ITGA2: variants seen among roughly 807,000 people sequenced by gnomAD.
ITGA2 encodes integrin subunit alpha 2.
Under a neutral mutation model 146.3 loss-of-function variants are expected in ITGA2, and 101 were observed. That is an observed-to-expected ratio of 0.69 (90% CI 0.59 to 0.81). ITGA2 has a LOEUF of 0.81. ITGA2 is among the 40% of genes least tolerant of loss of function. ITGA2 has a pLI of 0.00. For synonymous variants in ITGA2, 477 were observed against 487.1 expected (o/e 0.98, Z 0.27); for missense variants, 1,281 against 1,402.7 (o/e 0.91, Z 1.39).
chr5:53,022,014 C>T (rs1254671734), intron 1 of ITGA2, among the ~76,000 whole-genome samples: 4 of 152,160 alleles, frequency 2.6e-5, no homozygotes, highest in Non-Finnish European at 4.4e-5. Context: ...TTGCATTGAC[C>T]ACAAAAGTTA....
chr5:53,040,673 A>C (rs1743748747), intron 2 of ITGA2, among the ~76,000 whole-genome samples: 1 of 152,226 alleles, frequency 6.6e-6, no homozygotes, highest in Non-Finnish European at 1.5e-5. Flanking sequence ...GTTAAGGCTG[A>C]CTGAATTAAA....
At chr5:53,088,735 C>T (rs1740260084) in intron 28 of ITGA2, among the ~76,000 whole-genome samples, 1 of 148,948 alleles carries the variant, frequency 6.7e-6, no homozygotes, top group African/African-American at 2.5e-5. Context: ...ATGGCAAAGA[C>T]TGCAATTACT....
intron 28 of ITGA2, 81 bp from the exon 29 acceptor site, chr5:53,089,864 AC>A: frequency 1.2e-6 from 1 of 847,476 alleles, no homozygotes. Flanking sequence ...ACCTTCACTT[AC>A]AGAATTAGAG....
At chr5:53,017,614 GGT>G (rs1157079496) in intron 1 of ITGA2, among the ~76,000 whole-genome samples, 2 of 152,204 alleles carry the variant, frequency 1.3e-5, no homozygotes, top group African/African-American at 4.8e-5. Context: ...TGTCAGCTGG[GGT>G]GGGGCTCCAG....
Position 53,042,092 on chromosome 5 carries a change from T to A in ITGA2, c.186-20T>A. On this transcript the variant is annotated intron_variant, in intron 2 of 29. Transcript: ENST00000296585. The stretch of plus-strand genomic sequence containing the variant: ...ACTATACTTAACACTTTGTGTCTAA[T>A]AAAAAAAATGTGTTTCTAGGTTACT... 2 of 1,425,798 alleles carry A rather than the reference T, an allele frequency of 1.4e-6. No homozygotes were observed. Among genetic ancestry groups the A allele is most frequent in the South Asian group, 1.1e-5 (1 of 87,340 alleles). The allele number at this position is 1,425,798 out of a possible 1,614,324, so 88.3% of individuals were successfully genotyped here. A position where few individuals can be genotyped will look rare whatever the true frequency, so the allele number is the denominator to read the frequency against.
intron 1 of ITGA2, among the ~76,000 whole-genome samples, chr5:53,000,907 T>TC (rs1415670492): frequency 1.4e-5 from 2 of 145,298 alleles, no homozygotes; most frequent in African/African-American, 5.1e-5. Context: ...GTTTTTTTTT[T>TC]TTTTTTTTTT....
At chr5:53,057,772 T>A (rs1330756854) in intron 9 of ITGA2, among the ~76,000 whole-genome samples, 1 of 152,006 alleles carries the variant, frequency 6.6e-6, no homozygotes, top group Admixed American at 6.6e-5. Flanking sequence ...AATACATTAA[T>A]GTTCAATTAA....
chr5:53,086,918 A>T lies in ITGA2; in HGVS notation c.3259-34A>T, dbSNP rs3212635. The T allele has an allele frequency of 0.091, 137,195 of 1,513,450 alleles. 6,988 individuals carry two copies. Among genetic ancestry groups the T allele is most frequent in the African/African-American group, 0.19 (13,642 of 72,884 alleles). 93.8% of individuals were successfully genotyped at this position (1,513,450 alleles called of 1,614,324 possible). A position where few individuals can be genotyped will look rare whatever the true frequency, so the allele number is the denominator to read the frequency against. ...CAGCTTCTCTGCATTTGCTGCTGCT[A>T]CGATAAAACATATTCCTTATTCTTA... On this transcript the variant is annotated intron_variant, in intron 27 of 29. Transcript: ENST00000296585.
Position 53,090,808 on chromosome 5 carries a change from G to C in ITGA2, c.*209G>C, listed in dbSNP as rs1740378804. 1 of 608,426 alleles carries C rather than the reference G, an allele frequency of 1.6e-6. No individual in the cohort carries two copies. The highest frequency in any genetic ancestry group is 2.9e-5 in the Admixed American group (1 of 34,946). The allele number at this position is 608,426 out of a possible 1,614,324, so 37.7% of individuals were successfully genotyped here. A position where few individuals can be genotyped will look rare whatever the true frequency, so the allele number is the denominator to read the frequency against. ...CGGGGGGCAGGTAGGGAAATAATAG[G>C]GAAAATACCTATTTTATATGATGGG... is the stretch of plus-strand genomic sequence containing the variant. On this transcript the variant is annotated 3_prime_UTR_variant, in exon 30 of 30. Transcript: ENST00000296585.
intron 1 of ITGA2, among the ~76,000 whole-genome samples, chr5:53,019,073 TAAATAAATAAATAAATAAACGTC>T (rs1742543507): frequency 6.6e-6 from 1 of 151,674 alleles, no homozygotes; most frequent in Non-Finnish European, 1.5e-5. Context: ...TCAAAATAAA[TAAATAAATAAATAAATAAACGTC>T]AAATAAATAA....
chr5:53,015,293 A>G (rs1742349624), intron 1 of ITGA2, among the ~76,000 whole-genome samples: 1 of 152,066 alleles, frequency 6.6e-6, no homozygotes. Flanking sequence ...CTCATGTTGT[A>G]TCTTTGCTTT....
In ITGA2 at chr5:53,056,091, T is replaced by C. The variant is rs747225849; in HGVS notation, c.1038T>C (p.Asp346=). The change falls in exon 9 of 30, where the codon GAT becomes GAC. Residue 346 remains aspartate, a synonymous_variant. Coordinates refer to ENST00000296585, the MANE Select transcript of ITGA2 (RefSeq NM_002203.4). ...PTERYFFNVS[D]EAALLEKAGT... ...AAAGATACTTTTTCAATGTGTCTGA[T>C]GAAGCAGCTCTACTAGAAAAGGCTG... is the stretch of plus-strand genomic sequence containing the variant. The C allele has an allele frequency of 6.2e-7, 1 of 1,612,174 alleles. No individual in the cohort carries two copies. The highest frequency in any genetic ancestry group is 8.5e-7 in the Non-Finnish European group (1 of 1,178,862).
Position 53,093,322 on chromosome 5 carries a change from G to A in ITGA2, c.*2723G>A, listed in dbSNP as rs145580223. On this transcript the variant is annotated 3_prime_UTR_variant, in exon 30 of 30. Coordinates refer to ENST00000296585, the MANE Select transcript of ITGA2 (RefSeq NM_002203.4). ...GCCTAGTTTACACTGTTTCCAGGGA[G>A]TAGTTGAATTACTATAAACCATTAG... is the stretch of plus-strand genomic sequence containing the variant. The A allele has an allele frequency of 1.3e-5, 2 of 152,148 alleles. No individual in the cohort carries two copies. Among genetic ancestry groups the A allele is most frequent in the Non-Finnish European group, 2.9e-5 (2 of 68,038 alleles). 9.4% of individuals were successfully genotyped at this position (152,148 alleles called of 1,614,324 possible).
rs1346154782 is a variant in ITGA2, at chr5:53,065,891, G to A, written c.1857G>A (p.Gly619=). 2 of 1,612,066 alleles carry A rather than the reference G, an allele frequency of 1.2e-6. No individual in the cohort carries two copies. The highest frequency in any genetic ancestry group is 2.2e-5 in the South Asian group (2 of 91,048). ...TTAGGAGCCATCTCCAGTACTTTGGGAGGTCCTTGGATGGCTATGGAGATT... is the reference window on the plus strand; with the variant it reads ...TTAGGAGCCATCTCCAGTACTTTGGAAGGTCCTTGGATGGCTATGGAGATT... ...GAFRSHLQYF[G]RSLDGYGDLN... Residue 619 remains glycine (G), a synonymous_variant, in exon 15 of 30, where the codon GGG becomes GGA. Coordinates refer to ENST00000296585, the MANE Select transcript of ITGA2 (RefSeq NM_002203.4).
At chr5:53,071,219 T>A (rs1745379883) in intron 17 of ITGA2, among the ~76,000 whole-genome samples, 1 of 152,042 alleles carries the variant, frequency 6.6e-6, no homozygotes, top group South Asian at 2.1e-4. Context: ...GACGTAGACT[T>A]CTTTTTTGTT....
chr5:53,042,895 G>A (rs1233298126), intron 3 of ITGA2, among the ~76,000 whole-genome samples: 1 of 151,974 alleles, frequency 6.6e-6, no homozygotes, highest in Non-Finnish European at 1.5e-5. Context: ...GAAGAATTGA[G>A]GCATGAATTA....
At chr5:53,073,348 G>A (rs1013883368) in intron 20 of ITGA2, 89 bp downstream of exon 20, 3 of 1,403,944 alleles carry the variant, frequency 2.1e-6, no homozygotes, top group African/African-American at 1.4e-5. Flanking sequence ...GTTTAAAGAA[G>A]CACCTTAACC....
chr5:53,048,623 T>G lies in ITGA2; in HGVS notation c.503-20T>G. 6.2e-7 allele frequency: 1 copy of G among 1,614,152 alleles called. No homozygotes were observed. Among genetic ancestry groups the G allele is most frequent in the Non-Finnish European group, 8.5e-7 (1 of 1,179,976 alleles). On this transcript the variant is annotated intron_variant, in intron 5 of 29. Transcript: ENST00000296585. ...TGACTTACCTGTGGAAATCTGCTTC[T>G]TTCCTCTTTTCCTGTGTAGCCTGCC... is the stretch of plus-strand genomic sequence containing the variant.
chr5:53,071,955 C>G lies in ITGA2; in HGVS notation c.2253C>G (p.Val751=). 6.2e-7 allele frequency: 1 copy of G among 1,612,140 alleles called. No homozygotes were observed. The highest frequency in any genetic ancestry group is 8.5e-7 in the Non-Finnish European group (1 of 1,178,742). The change falls in exon 18 of 30, where the codon GTC becomes GTG. Residue 751 remains valine, a synonymous_variant. Coordinates refer to ENST00000296585, the MANE Select transcript of ITGA2 (RefSeq NM_002203.4). ...ATGTTTAGGAGCCCTCTGATGTTGT[C>G]AACTCTTTGGATTTGCGTGTGGACA... The part of the protein sequence containing the change: ...IIYIQEPSDV[V]NSLDLRVDIS...
Sources: allele counts gnomAD v4.1 joint callset (sites outside exome capture counted in the v4.1 genomes callset), GRCh38; gene constraint gnomAD v4.1.1; transcripts MANE v1.5; gene names NCBI Gene and HGNC (gene_info 2026-07-23, HGNC 2026-07-21).